Variants in C8A observed in about 807,000 individuals in gnomAD.
The protein encoded by C8A is complement component C8 alpha chain.
Under a neutral mutation model 65.3 loss-of-function variants are expected in C8A, and 67 were observed. That is an observed-to-expected ratio of 1.03 (90% CI 0.84 to 1.26). The LOEUF is 1.26. Ranked by LOEUF, C8A falls within the 50% of genes most tolerant of loss-of-function variation. The pLI is 0.00. For missense variants in C8A, 781 were observed against 723.9 expected (o/e 1.08, Z -0.90); for synonymous variants, 290 against 259.4 (o/e 1.12, Z -1.13).
intron 7 of C8A, among the ~76,000 whole-genome samples, chr1:56,903,920 C>T (rs1045455887): frequency 6.6e-5 from 10 of 152,302 alleles, no homozygotes; most frequent in Non-Finnish European, 1.5e-4. Flanking sequence ...CTCCAGAGCT[C>T]ACTGAGTTCA....
chr1:56,899,373 G>A (rs752732403), intron 7 of C8A, among the ~76,000 whole-genome samples: 22 of 152,158 alleles, frequency 1.4e-4, no homozygotes, highest in Admixed American at 6.5e-4. Flanking sequence ...ACAGGCCTTG[G>A]TTCAATCCCA....
intron 9 of C8A, among the ~76,000 whole-genome samples, chr1:56,911,721 T>C (rs1774899): frequency 0.1 from 15,607 of 152,248 alleles, 1,254 homozygotes; most frequent in African/African-American, 0.22. Context: ...TACGGTCATG[T>C]CTGGAATGGG....
rs1205855612 is a variant in C8A at position 56,886,052 on chromosome 1, T to C, written c.981T>C (p.Tyr327=). Residue 327 remains tyrosine, a synonymous_variant, in exon 7 of 11, where the codon TAT becomes TAC. Coordinates refer to ENST00000361249, the MANE Select transcript of C8A (RefSeq NM_000562.3). The part of the protein sequence containing the change: ...SLMELPDQYN[Y]GMYAKFINDY... ...TGGAGCTTCCAGATCAGTACAATTA[T>C]GGCATGTATGCCAAGTTCATCAATG... 3.7e-6 allele frequency: 6 copies of C among 1,613,956 alleles called. No homozygotes were observed. The highest frequency in any genetic ancestry group is 5.1e-6 in the Non-Finnish European group (6 of 1,179,970).
At chr1:56,874,832 G>A in intron 2 of C8A, 117 bp from the exon 3 acceptor site, 1 of 1,108,584 alleles carries the variant, frequency 9.0e-7, no homozygotes. Context: ...AGCTTCACAG[G>A]CAGGTCTCAA....
intron 1 of C8A, among the ~76,000 whole-genome samples, chr1:56,860,633 A>C (rs1644024711): frequency 6.6e-6 from 1 of 152,164 alleles, no homozygotes; most frequent in Non-Finnish European, 1.5e-5. Context: ...TACATGTGGA[A>C]CCATTAAGTT....
At chr1:56,902,419 A>C (rs547415355) in intron 7 of C8A, among the ~76,000 whole-genome samples, 8 of 152,248 alleles carry the variant, frequency 5.3e-5, no homozygotes, top group African/African-American at 1.9e-4. Flanking sequence ...GTCGCCTCTA[A>C]TATTTTCAAA....
At chr1:56,907,257 T>G (rs965051342) in intron 8 of C8A, among the ~76,000 whole-genome samples, 3 of 152,206 alleles carry the variant, frequency 2.0e-5, no homozygotes, top group African/African-American at 7.2e-5. Flanking sequence ...GTTCATTTAC[T>G]CATCCATTCA....
chr1:56,893,019 T>C (rs1644360001), intron 7 of C8A, among the ~76,000 whole-genome samples: 2 of 152,186 alleles, frequency 1.3e-5, no homozygotes, highest in South Asian at 2.1e-4. Flanking sequence ...GCCGTAGCCA[T>C]TCTGCCACCA....
chr1:56,908,540 GTTC>G (rs763552027), intron 9 of C8A, among the ~76,000 whole-genome samples: 7 of 152,204 alleles, frequency 4.6e-5, no homozygotes, highest in African/African-American at 1.4e-4. Flanking sequence ...AGTAGTATTA[GTTC>G]TTCTTCTTTC....
intron 2 of C8A, among the ~76,000 whole-genome samples, chr1:56,874,430 C>A (rs1196702111): frequency 6.6e-6 from 1 of 152,158 alleles, no homozygotes; most frequent in Non-Finnish European, 1.5e-5. Context: ...GTCTTCTGAA[C>A]GTGCCTCTTG....
Position 56,917,756 on chromosome 1 carries a change from C to T in C8A, c.*40C>T, listed in dbSNP as rs371389558. 46 of 1,611,014 alleles carry T rather than the reference C, an allele frequency of 2.9e-5. No individual in the cohort carries two copies. Among genetic ancestry groups the T allele is most frequent in the Admixed American group, 1.0e-4 (6 of 59,982 alleles). ...AGGCTGGACCAGATGCTGTGGATGT[C>T]GACCCCTGCACTGACTATTGGATAA... On this transcript the variant is annotated 3_prime_UTR_variant, in exon 11 of 11. Transcript: ENST00000361249.
chr1:56,894,799 A>T (rs1027530534), intron 7 of C8A, among the ~76,000 whole-genome samples: 1 of 152,120 alleles, frequency 6.6e-6, no homozygotes, highest in Non-Finnish European at 1.5e-5. Flanking sequence ...TGTCCCTCTC[A>T]TCAGGGGGCT....
intron 6 of C8A, among the ~76,000 whole-genome samples, chr1:56,885,117 G>A (rs1381927558): frequency 6.6e-6 from 1 of 151,614 alleles, no homozygotes; most frequent in East Asian, 1.9e-4. Context: ...GCTCACCCAG[G>A]TGAGAGCTGA....
At chr1:56,897,846 G>A (rs1029323462) in intron 7 of C8A, among the ~76,000 whole-genome samples, 15 of 152,094 alleles carry the variant, frequency 9.9e-5, no homozygotes, top group African/African-American at 2.2e-4. Context: ...CTGAGCACCC[G>A]TGATTTCTGG....
intron 7 of C8A, among the ~76,000 whole-genome samples, chr1:56,899,064 C>A (rs1644406208): frequency 6.6e-6 from 1 of 152,104 alleles, no homozygotes; most frequent in Admixed American, 6.5e-5. Flanking sequence ...GCTTTATCCC[C>A]AGTTACCATG....
In C8A at chr1:56,912,440, T is replaced by G; in HGVS notation, c.1418T>G (p.Leu473Arg). 6.2e-7 allele frequency: 1 copy of G among 1,614,202 alleles called. No homozygotes were observed. The highest frequency in any genetic ancestry group is 8.5e-7 in the Non-Finnish European group (1 of 1,180,020). The change falls in exon 10 of 11, where the codon CTG becomes CGG. Residue 473 changes from leucine (L) to arginine (R), a missense_variant. Coordinates refer to ENST00000361249, the MANE Select transcript of C8A (RefSeq NM_000562.3). The part of the protein sequence containing the change: ...PIHEVLRHTS[L>R]GPLEAKRQNL... ...CACGAGGTGCTGCGGCACACAAGCC[T>G]GGGGCCTCTGGAGGCCAAGCGCCAG...
chr1:56,912,305 A>G (rs1644514156), intron 9 of C8A, 98 bp from the exon 10 acceptor site: 1 of 1,065,226 alleles, frequency 9.4e-7, no homozygotes, highest in Non-Finnish European at 1.4e-6. Context: ...TGTGCCTGGC[A>G]TGTATCAGGC....
Position 56,906,686 on chromosome 1 carries a change from C to T in C8A, c.1116C>T (p.Ile372=), listed in dbSNP as rs1228859833. 1 of 1,614,026 alleles carries T rather than the reference C, an allele frequency of 6.2e-7. No homozygotes were observed. The change falls in exon 8 of 11, where the codon ATC becomes ATT. Residue 372 remains isoleucine (I), a synonymous_variant. Coordinates refer to ENST00000361249, the MANE Select transcript of C8A (RefSeq NM_000562.3). ...TTGCAGGTATTACCAGCAGAGATAT[C>T]ACGACATGTTTTGGAGGCTCCTTGG... is the stretch of plus-strand genomic sequence containing the variant. The part of the protein sequence containing the change: ...MESLGITSRD[I]TTCFGGSLGI...
intron 6 of C8A, among the ~76,000 whole-genome samples, chr1:56,885,194 T>C (rs1284858311): frequency 1.3e-5 from 2 of 150,842 alleles, no homozygotes; most frequent in East Asian, 1.9e-4. Flanking sequence ...CTGGCACACA[T>C]TGGTGCCTAG....
Sources: allele counts gnomAD v4.1 joint callset (sites outside exome capture counted in the v4.1 genomes callset), GRCh38; gene constraint gnomAD v4.1.1; transcripts MANE v1.5; gene names NCBI Gene and HGNC (gene_info 2026-07-23, HGNC 2026-07-21).